Variants in ARHGAP36 observed in about 807,000 individuals in gnomAD.
ARHGAP36 encodes the protein Rho GTPase activating protein 36, also known as rho GTPase-activating protein 36.
ARHGAP36 carries 7 observed loss-of-function variants against 32.9 expected under a neutral mutation model. The observed-to-expected ratio is 0.21, with a 90% CI of 0.12 to 0.40. The LOEUF (loss-of-function observed/expected upper bound fraction) is 0.40. ARHGAP36 is among the 10% of genes least tolerant of loss of function. The pLI, the probability that ARHGAP36 is intolerant of heterozygous loss-of-function variation, is 1.00. For synonymous variants in ARHGAP36, 165 were observed against 168.3 expected (o/e 0.98, Z 0.15); for missense variants, 383 against 442.2 (o/e 0.87, Z 1.20).
intron 10 of ARHGAP36, 25 bp downstream of exon 10, chrX:131,086,451 T>C (rs763609558): frequency 2.5e-6 from 3 of 1,206,537 alleles, no homozygotes; most frequent in Non-Finnish European, 3.4e-6. Flanking sequence ...GGTTTGTTTA[T>C]GCTTAGCCTG....
chrX:131,087,406 C>T, intron 11 of ARHGAP36, among the ~76,000 whole-genome samples: 1 of 111,359 alleles, frequency 9.0e-6, no homozygotes. Context: ...AGTCTCAGCT[C>T]TTTATGTGGT....
chrX:131,063,910 A>T (rs2079683406), intron 1 of ARHGAP36, among the ~76,000 whole-genome samples: 1 of 111,768 alleles, frequency 8.9e-6, no homozygotes, highest in African/African-American at 3.3e-5. Flanking sequence ...TTTCATTGGG[A>T]ACATATGAAT....
At position 131,085,084 on chromosome X, in the gene ARHGAP36, T is replaced by C; in HGVS notation, c.955+20T>C. The C allele has an allele frequency of 8.3e-7, 1 of 1,198,696 alleles. No individual in the cohort carries two copies. The highest frequency in any genetic ancestry group is 1.8e-5 in the South Asian group (1 of 54,394). On this transcript the variant is annotated intron_variant, in intron 7 of 11. Transcript: ENST00000276211. The stretch of plus-strand genomic sequence containing the variant: ...CAGCAAGTGAGTCTTCTGACCTCCC[T>C]AGTAGGGCAAGGAAAGGAAATATTA...
In ARHGAP36 at chrX:131,086,676, T is replaced by C; in HGVS notation, c.1486+11T>C. On this transcript the variant is annotated intron_variant, in intron 11 of 11. Coordinates refer to ENST00000276211, the MANE Select transcript of ARHGAP36 (RefSeq NM_144967.4). The stretch of plus-strand genomic sequence containing the variant: ...AGCCTTCTGATGAAGGTCAGTTCCC[T>C]GCTGGAGGTCAGGCCCTTGCTGAAG... The C allele has an allele frequency of 8.3e-7, 1 of 1,204,748 alleles. No homozygotes were observed. Among genetic ancestry groups the C allele is most frequent in the Non-Finnish European group, 1.1e-6 (1 of 889,411 alleles).
Position 131,062,751 on chromosome X carries a change from A to T in ARHGAP36, c.-143+4307A>T, listed in dbSNP as rs144395887. On this transcript the variant is annotated intron_variant, in intron 1 of 11. Coordinates refer to ENST00000276211, the MANE Select transcript of ARHGAP36 (RefSeq NM_144967.4). ...CAAATGTTTACTATTTGTAAATACC[A>T]GTCATACTACATAAACTATCTCTAA... 3.1e-3 allele frequency among the ~76,000 whole-genome samples: 346 copies of T among 112,150 alleles called. 1 individual carries two copies. The highest frequency in any genetic ancestry group is 0.011 in the African/African-American group (336 of 30,851).
chrX:131,084,444 G>A lies in ARHGAP36; in HGVS notation c.748+37G>A, dbSNP rs765302887. 8.5e-6 allele frequency: 10 copies of A among 1,178,526 alleles called. No individual in the cohort carries two copies. The African/African-American group carries it at 1.6e-4, about 19-fold the overall frequency. On this transcript the variant is annotated intron_variant, in intron 5 of 11. Coordinates refer to ENST00000276211, the MANE Select transcript of ARHGAP36 (RefSeq NM_144967.4). ...GCAAATGGGTAAATCAAGGAAGGAA[G>A]CAAAGGGAAAGGAGGGATGTTCTGG...
intron 1 of ARHGAP36, among the ~76,000 whole-genome samples, chrX:131,079,768 A>G (rs148486331): frequency 0.02 from 2,185 of 111,050 alleles, 27 homozygotes; most frequent in Middle Eastern, 0.042. Context: ...CTTTCTTGGC[A>G]AAAGGTTTAG....
At chrX:131,058,647 A>C (rs974416587) in intron 1 of ARHGAP36, among the ~76,000 whole-genome samples, 1 of 113,714 alleles carries the variant, frequency 8.8e-6, no homozygotes, top group African/African-American at 3.2e-5. Flanking sequence ...AACCGCGAGC[A>C]ATCGCGCTAA....
intron 1 of ARHGAP36, among the ~76,000 whole-genome samples, chrX:131,065,363 C>T (rs185525333): frequency 2.7e-5 from 3 of 110,977 alleles, no homozygotes; most frequent in Non-Finnish European, 3.8e-5. Context: ...GGTAGTCTAG[C>T]GATGTGTTTA....
At chrX:131,071,853 G>T (rs7058482) in intron 1 of ARHGAP36, among the ~76,000 whole-genome samples, 2,966 of 111,326 alleles carry the variant, frequency 0.027, 101 homozygotes, top group African/African-American at 0.091. Flanking sequence ...ACTGTCCCTT[G>T]TGCATTTACT....
intron 7 of ARHGAP36, 79 bp from the exon 8 acceptor site, chrX:131,085,509 A>G: frequency 9.1e-7 from 1 of 1,103,696 alleles, no homozygotes; most frequent in Non-Finnish European, 1.2e-6. Flanking sequence ...GCAAGTTTCA[A>G]GCAGAATCTC....
rs771329769 is a variant in ARHGAP36, at chrX:131,087,436, C to T, written c.1486+771C>T. Reference sequence around the variant, plus strand: ...TGTGGTTCCAAGCCCTGAAGAAGCCCCTGGTGGACATGAAATCCCAAATCA... The same window carrying T: ...TGTGGTTCCAAGCCCTGAAGAAGCCTCTGGTGGACATGAAATCCCAAATCA... On this transcript the variant is annotated intron_variant, in intron 11 of 11. Transcript: ENST00000276211. 6.1e-4 allele frequency among the ~76,000 whole-genome samples: 68 copies of T among 110,966 alleles called. 1 individual carries two copies. Among genetic ancestry groups the T allele is most frequent in the Admixed American group, 1.9e-4 (2 of 10,473 alleles).
chrX:131,060,045 G>A (rs1417517809), intron 1 of ARHGAP36, among the ~76,000 whole-genome samples: 2 of 111,480 alleles, frequency 1.8e-5, no homozygotes, highest in African/African-American at 6.5e-5. Context: ...TCTGGCCCTG[G>A]CATTGACTTC....
intron 1 of ARHGAP36, among the ~76,000 whole-genome samples, chrX:131,068,927 C>T (rs940719695): frequency 8.9e-6 from 1 of 111,815 alleles, no homozygotes; most frequent in Admixed American, 9.4e-5. Flanking sequence ...TCTAAATGTT[C>T]CCCCCTCCCG....
intron 1 of ARHGAP36, among the ~76,000 whole-genome samples, chrX:131,072,726 T>A (rs1167283050): frequency 9.0e-6 from 1 of 111,377 alleles, no homozygotes; most frequent in Admixed American, 9.5e-5. Flanking sequence ...CTGCTTTGAA[T>A]AGGGGAGAGA....
chrX:131,087,379 G>C (rs1177453651), intron 11 of ARHGAP36, among the ~76,000 whole-genome samples: 1 of 111,561 alleles, frequency 9.0e-6, no homozygotes, highest in Non-Finnish European at 1.9e-5. Context: ...CTCTGAGGAA[G>C]ACCTTGATTT....
intron 4 of ARHGAP36, 25 bp downstream of exon 4, chrX:131,083,994 G>T (rs777025615): frequency 8.4e-7 from 1 of 1,195,989 alleles, no homozygotes; most frequent in Non-Finnish European, 1.1e-6. Context: ...CCAGGTTTCA[G>T]GCAGGGGCCT....
Position 131,088,795 on chromosome X carries a change from C to T in ARHGAP36, c.*10C>T. ...CTACTTCTTTCCTTAGATGTTTTTC[C>T]TTCTATAAGGTGCCAGACAGGGGAA... On this transcript the variant is annotated 3_prime_UTR_variant, in exon 12 of 12. Transcript: ENST00000276211. The T allele has an allele frequency of 8.3e-7, 1 of 1,201,776 alleles. No homozygotes were observed. Among genetic ancestry groups the T allele is most frequent in the South Asian group, 1.8e-5 (1 of 54,537 alleles).
chrX:131,063,977 A>G (rs753296014), intron 1 of ARHGAP36, among the ~76,000 whole-genome samples: 2 of 112,226 alleles, frequency 1.8e-5, no homozygotes, highest in African/African-American at 3.2e-5. Context: ...GAGAACCATC[A>G]TATCTTTCTC....
Sources: allele counts gnomAD v4.1 joint callset (sites outside exome capture counted in the v4.1 genomes callset), GRCh38; gene constraint gnomAD v4.1.1; transcripts MANE v1.5; gene names NCBI Gene and HGNC (gene_info 2026-07-23, HGNC 2026-07-21).